The following PCGF3 variants were observed in gnomAD, a reference collection of about 807,000 sequenced individuals.
The protein encoded by PCGF3 is polycomb group RING finger protein 3.
In PCGF3, 7 loss-of-function variants were observed where a neutral mutation model predicts 33.1. The ratio of observed to expected loss-of-function variants is 0.21; its 90% CI spans 0.12 to 0.40. The LOEUF (loss-of-function observed/expected upper bound fraction) is 0.40. PCGF3 is among the 10% of genes least tolerant of loss of function. The pLI, the probability that PCGF3 is intolerant of heterozygous loss-of-function variation, is 1.00. For missense variants in PCGF3, 211 were observed against 313.3 expected, an observed-to-expected ratio of 0.67 and a Z score of 2.46; for synonymous variants, 153 against 121.3, an observed-to-expected ratio of 1.26 and a Z score of -1.72.
chr4:712,255 C>A (rs1038207693), intron 1 of PCGF3, among the ~76,000 whole-genome samples: 2 of 152,084 alleles, frequency 1.3e-5, no homozygotes, highest in Non-Finnish European at 1.5e-5. Flanking sequence ...ATGCAAATGC[C>A]AAAATGACAA....
At chr4:760,248 T>C (rs1225953133) in intron 8 of PCGF3, among the ~76,000 whole-genome samples, 2 of 152,194 alleles carry the variant, frequency 1.3e-5, no homozygotes, top group Non-Finnish European at 2.9e-5. Flanking sequence ...CACTGTTTCT[T>C]AACACTTCCT....
chr4:724,960 CA>C (rs150783610), intron 1 of PCGF3: 29,366 of 140,638 alleles, frequency 0.21, 3,228 homozygotes, highest in Middle Eastern at 0.29. Flanking sequence ...GACTTTTTCT[CA>C]AAAAAAAAAA....
At chr4:752,173 C>G (rs1048869237) in intron 8 of PCGF3, among the ~76,000 whole-genome samples, 5 of 152,240 alleles carry the variant, frequency 3.3e-5, no homozygotes, top group African/African-American at 1.2e-4. Flanking sequence ...AGTTTGGAAA[C>G]TGGCGAAGCC....
At chr4:729,295 A>G (rs1327639249) in intron 1 of PCGF3, among the ~76,000 whole-genome samples, 1 of 151,706 alleles carries the variant, frequency 6.6e-6, no homozygotes, top group Admixed American at 6.6e-5. Context: ...CATGCTTGTA[A>G]TCCAAGCTAC....
At chr4:734,235 T>C in intron 4 of PCGF3, 2 of 1,499,428 alleles carry the variant, frequency 1.3e-6, no homozygotes, top group Non-Finnish European at 1.8e-6. Flanking sequence ...CCTGAGTGTT[T>C]TTCTAAGTGT....
intron 1 of PCGF3, among the ~76,000 whole-genome samples, chr4:712,208 T>G (rs1278283312): frequency 6.6e-6 from 1 of 152,202 alleles, no homozygotes; most frequent in African/African-American, 2.4e-5. Context: ...AAACTATCTT[T>G]CCAGATCTGC....
At chr4:713,093 T>TG (rs1742643323) in intron 1 of PCGF3, among the ~76,000 whole-genome samples, 1 of 147,998 alleles carries the variant, frequency 6.8e-6, no homozygotes, top group African/African-American at 2.5e-5. Flanking sequence ...GGGTCCTATG[T>TG]TCTTCGTGGG....
intron 6 of PCGF3, among the ~76,000 whole-genome samples, chr4:740,968 A>T (rs527409857): frequency 4.1e-4 from 62 of 152,334 alleles, no homozygotes; most frequent in Middle Eastern, 3.4e-3. Flanking sequence ...CGAGGAAAGG[A>T]GAAAAGGGGA....
intron 1 of PCGF3, chr4:724,078 C>G (rs1743227947): frequency 6.6e-6 from 1 of 152,282 alleles, no homozygotes; most frequent in Non-Finnish European, 1.5e-5. Context: ...ATGTTCGGGT[C>G]AGTTTGAGAA....
At chr4:723,299 G>A (rs1033819652) in intron 1 of PCGF3, among the ~76,000 whole-genome samples, 1 of 152,254 alleles carries the variant, frequency 6.6e-6, no homozygotes, top group Non-Finnish European at 1.5e-5. Context: ...GAGGTCCACC[G>A]GGGAGAGGAG....
intron 8 of PCGF3, among the ~76,000 whole-genome samples, chr4:755,279 G>A (rs1309493048): frequency 6.6e-6 from 1 of 151,412 alleles, no homozygotes; most frequent in Admixed American, 6.6e-5. Context: ...CCCTGGGCAG[G>A]TGTGTTCCAC....
chr4:752,283 G>C (rs1419075394), intron 8 of PCGF3, among the ~76,000 whole-genome samples: 1 of 152,222 alleles, frequency 6.6e-6, no homozygotes, highest in Non-Finnish European at 1.5e-5. Flanking sequence ...CACCTTCTCT[G>C]TGTGACCCCA....
At chr4:731,609 C>T (rs1469412990) in intron 3 of PCGF3, among the ~76,000 whole-genome samples, 11 of 109,454 alleles carry the variant, frequency 1.0e-4, no homozygotes, top group Non-Finnish European at 2.1e-4. Context: ...GCTCCCCTCC[C>T]CTCGTGGGTG....
In PCGF3 at chr4:720,742, G is replaced by A. The variant is rs1018745506; in HGVS notation, c.-189-9888G>A. On this transcript the variant is annotated intron_variant, in intron 1 of 10. Transcript: ENST00000362003. This position sits in a 1 kb window ranked among gnomAD's most constrained non-coding sequence, Gnocchi z 5.6. ...CGGGCGGTGACGTGCGTGTGGACCC[G>A]GCGTGGACGCAGCCCCGACGTGAAT... 2.0e-5 allele frequency among the ~76,000 whole-genome samples: 3 copies of A among 152,016 alleles called. No homozygotes were observed. The highest frequency in any genetic ancestry group is 4.4e-5 in the Non-Finnish European group (3 of 67,962).
chr4:752,199 C>A (rs1744547674), intron 8 of PCGF3, among the ~76,000 whole-genome samples: 1 of 152,244 alleles, frequency 6.6e-6, no homozygotes, highest in Admixed American at 6.5e-5. Context: ...TTCCACTGCC[C>A]TTGCTGTTCC....
chr4:712,607 C>T (rs768068351), intron 1 of PCGF3, among the ~76,000 whole-genome samples: 40 of 152,256 alleles, frequency 2.6e-4, no homozygotes, highest in Non-Finnish European at 4.9e-4. Flanking sequence ...CCACCATGCC[C>T]GGCTAAGTTT....
intron 1 of PCGF3, among the ~76,000 whole-genome samples, chr4:718,943 T>TTTTTTTC (rs1183425446): frequency 6.6e-6 from 1 of 152,198 alleles, no homozygotes; most frequent in Non-Finnish European, 1.5e-5. Flanking sequence ...TTCATTTTCT[T>TTTTTTTC]TTTTTTCTTT....
chr4:733,232 C>T (rs1450964597), intron 3 of PCGF3, among the ~76,000 whole-genome samples: 2 of 152,238 alleles, frequency 1.3e-5, no homozygotes, highest in East Asian at 1.9e-4. Flanking sequence ...CCAAGGGTCG[C>T]GCTGTGAGCC....
At chr4:736,355 A>C (rs1489283707) in intron 5 of PCGF3, among the ~76,000 whole-genome samples, 4 of 152,126 alleles carry the variant, frequency 2.6e-5, no homozygotes, top group Non-Finnish European at 5.9e-5. Flanking sequence ...GCCCTCACAG[A>C]CTTTTCTTTA....
Sources: allele counts gnomAD v4.1 joint callset (sites outside exome capture counted in the v4.1 genomes callset), GRCh38; gene constraint gnomAD v4.1.1; non-coding constraint Gnocchi (gnomAD v3.1); transcripts MANE v1.5; gene names NCBI Gene and HGNC (gene_info 2026-07-23, HGNC 2026-07-21).